The following FHIT variants were observed in gnomAD, a reference collection of about 807,000 sequenced individuals.
The protein encoded by FHIT is fragile histidine triad diadenosine triphosphatase, also known as bis(5'-adenosyl)-triphosphatase.
Under a neutral mutation model 17.9 loss-of-function variants are expected in FHIT, and 19 were observed. That is an observed-to-expected ratio of 1.06 (90% confidence interval 0.74 to 1.56). The LOEUF is 1.56. FHIT is among the 40% of genes most tolerant of loss of function. FHIT has a pLI of 0.00. For missense variants in FHIT, 248 were observed against 189.2 expected, an observed-to-expected ratio of 1.31 and a Z score of -1.82; for synonymous variants, 81 against 69.7, an observed-to-expected ratio of 1.16 and a Z score of -0.81.
chr3:60,811,922 GAAATGTTGACTCT>G (rs1257089943), intron 4 of FHIT, among the ~76,000 whole-genome samples: 2 of 152,140 alleles, frequency 1.3e-5, no homozygotes, highest in Admixed American at 6.6e-5. Context: ...TTAAAAGTCT[GAAATGTTGACTCT>G]AAGAAATAAT....
chr3:60,891,235 A>C (rs1365853403), intron 3 of FHIT, among the ~76,000 whole-genome samples: 1 of 152,094 alleles, frequency 6.6e-6, no homozygotes, highest in Non-Finnish European at 1.5e-5. Flanking sequence ...CCGTGCACCC[A>C]TCTTCTTTTA....
intron 8 of FHIT, among the ~76,000 whole-genome samples, chr3:59,846,198 T>G (rs2106770730): frequency 6.6e-6 from 1 of 152,262 alleles, no homozygotes; most frequent in East Asian, 1.9e-4. Flanking sequence ...TCTTTTGTGT[T>G]TGGTTGATTT....
chr3:59,943,678 A>G (rs796444585), intron 7 of FHIT, among the ~76,000 whole-genome samples: 5 of 152,294 alleles, frequency 3.3e-5, no homozygotes, highest in African/African-American at 1.2e-4. Context: ...CTTGGAGTGG[A>G]AGAAAGAACA....
intron 4 of FHIT, among the ~76,000 whole-genome samples, chr3:60,604,217 A>C (rs1404584942): frequency 2.6e-5 from 4 of 152,160 alleles, no homozygotes; most frequent in Non-Finnish European, 4.4e-5. Context: ...AGAAAACATA[A>C]AGAGAAAAAA....
chr3:61,028,367 G>A (rs1178791916), intron 3 of FHIT, among the ~76,000 whole-genome samples: 1 of 152,066 alleles, frequency 6.6e-6, no homozygotes, highest in Non-Finnish European at 1.5e-5. Flanking sequence ...AATATAAAAG[G>A]CACAGCACTG....
At chr3:60,130,417 G>A (rs1205557789) in intron 5 of FHIT, among the ~76,000 whole-genome samples, 1 of 152,066 alleles carries the variant, frequency 6.6e-6, no homozygotes, top group African/African-American at 2.4e-5. Flanking sequence ...AGGTGCCACG[G>A]TTATCCTCAT....
chr3:60,803,815 G>A (rs1438565442), intron 4 of FHIT, among the ~76,000 whole-genome samples: 4 of 152,122 alleles, frequency 2.6e-5, no homozygotes, highest in Non-Finnish European at 5.9e-5. Context: ...CCAGTTTCTC[G>A]CTGAATGCCA....
chr3:60,174,664 A>T (rs919543275), intron 5 of FHIT, among the ~76,000 whole-genome samples: 1 of 152,034 alleles, frequency 6.6e-6, no homozygotes, highest in South Asian at 2.1e-4. Flanking sequence ...GCTCAGATAA[A>T]TTTCACATAA....
chr3:60,188,406 T>G (rs973277663), intron 5 of FHIT, among the ~76,000 whole-genome samples: 1 of 152,124 alleles, frequency 6.6e-6, no homozygotes, highest in Non-Finnish European at 1.5e-5. Flanking sequence ...TATTTTTTAG[T>G]TGAAAAAGTG....
chr3:61,058,762 G>A (rs1160597305), intron 2 of FHIT, among the ~76,000 whole-genome samples: 1 of 152,184 alleles, frequency 6.6e-6, no homozygotes. Flanking sequence ...TGCAAGAACG[G>A]ACTAATGCAG....
At chr3:60,083,920 T>C (rs1358550207) in intron 5 of FHIT, among the ~76,000 whole-genome samples, 2 of 152,230 alleles carry the variant, frequency 1.3e-5, no homozygotes, top group Admixed American at 6.5e-5. Flanking sequence ...CATGCTCTGC[T>C]ATAGTGCTAT....
intron 4 of FHIT, among the ~76,000 whole-genome samples, chr3:60,818,295 C>T (rs1404055692): frequency 1.3e-5 from 2 of 152,020 alleles, no homozygotes; most frequent in African/African-American, 4.8e-5. Flanking sequence ...TTCCATATAG[C>T]GTGTAATTTG....
intron 5 of FHIT, among the ~76,000 whole-genome samples, chr3:60,174,122 G>C (rs1701560319): frequency 6.6e-6 from 1 of 151,102 alleles, no homozygotes; most frequent in Non-Finnish European, 1.5e-5. Flanking sequence ...ATGTTGGCCA[G>C]GATGGTCTCC....
At chr3:61,208,025 C>T (rs1254570943) in intron 1 of FHIT, among the ~76,000 whole-genome samples, 4 of 152,160 alleles carry the variant, frequency 2.6e-5, no homozygotes, top group South Asian at 4.2e-4. Flanking sequence ...TCTTTGTTCT[C>T]GTTGGTTTCA....
intron 4 of FHIT, among the ~76,000 whole-genome samples, chr3:60,557,341 T>C (rs1279491066): frequency 6.6e-6 from 1 of 151,950 alleles, no homozygotes; most frequent in Non-Finnish European, 1.5e-5. Flanking sequence ...ACTTTTTTCA[T>C]GTAAATGATC....
intron 7 of FHIT, among the ~76,000 whole-genome samples, chr3:59,994,430 C>A (rs1453905728): frequency 1.3e-5 from 2 of 151,998 alleles, no homozygotes; most frequent in African/African-American, 2.4e-5. Context: ...CCATTTCTGC[C>A]AAAGAACTCA....
At chr3:60,213,328 C>T (rs778189870) in intron 5 of FHIT, among the ~76,000 whole-genome samples, 1 of 152,132 alleles carries the variant, frequency 6.6e-6, no homozygotes, top group Admixed American at 6.6e-5. Context: ...CTCTGAAATC[C>T]CAAACCCACA....
At chr3:60,174,866 C>G (rs950961238) in intron 5 of FHIT, among the ~76,000 whole-genome samples, 2 of 152,100 alleles carry the variant, frequency 1.3e-5, no homozygotes, top group African/African-American at 4.8e-5. Flanking sequence ...CTTTCTGTCT[C>G]TATGGATTTA....
chr3:60,341,135 C>T (rs1389648761), intron 5 of FHIT, among the ~76,000 whole-genome samples: 2 of 152,110 alleles, frequency 1.3e-5, no homozygotes, highest in South Asian at 2.1e-4. Context: ...TTTTGTTATA[C>T]GATGAGTATA....
Sources: allele counts gnomAD v4.1 joint callset (sites outside exome capture counted in the v4.1 genomes callset), GRCh38; gene constraint gnomAD v4.1.1; transcripts MANE v1.5; gene names NCBI Gene and HGNC (gene_info 2026-07-23, HGNC 2026-07-21).